GULP1: variants seen among roughly 807,000 people sequenced by gnomAD.
The protein encoded by GULP1 is PTB domain-containing engulfment adapter protein 1.
A neutral mutation model predicts 40.9 loss-of-function variants in GULP1; 19 were observed. The observed-to-expected ratio is 0.46, with a 90% CI of 0.32 to 0.68. The LOEUF is 0.68. Among genes scored for constraint, GULP1 ranks in the 30% least tolerant of loss-of-function variants. The pLI is 0.03. For synonymous variants in GULP1, 119 were observed against 117.6 expected (o/e 1.01, Z -0.08); for missense variants, 312 against 362.2 (o/e 0.86, Z 1.12).
In GULP1 at chr2:188,589,791, A is replaced by C. The variant is rs561584263; in HGVS notation, c.843+1842A>C. 16 of 1,145,806 alleles carry C rather than the reference A, an allele frequency of 1.4e-5. 1 individual carries two copies. The African/African-American group carries it at 2.1e-4, about 15-fold the overall frequency. 71.0% of individuals were successfully genotyped at this position (1,145,806 alleles called of 1,614,324 possible). The stretch of plus-strand genomic sequence containing the variant: ...TTATAATAATTTTAAACAACTTACA[A>C]ATTTTTAAAGCTGAAACCTTAAAAT... On this transcript the variant is annotated intron_variant, in intron 11 of 11. Coordinates refer to ENST00000409830, the MANE Select transcript of GULP1 (RefSeq NM_016315.4).
chr2:188,387,018 C>G (rs1434437294), intron 2 of GULP1, among the ~76,000 whole-genome samples: 1 of 151,934 alleles, frequency 6.6e-6, no homozygotes, highest in African/African-American at 2.4e-5. Flanking sequence ...GGTGGATTAA[C>G]TGAGGTCAGG....
chr2:188,402,198 G>T (rs542989138), intron 2 of GULP1, among the ~76,000 whole-genome samples: 4 of 152,238 alleles, frequency 2.6e-5, no homozygotes, highest in African/African-American at 7.2e-5. Context: ...TTTAATAAAA[G>T]GCTGAAAGCC....
intron 2 of GULP1, among the ~76,000 whole-genome samples, chr2:188,427,141 G>A (rs575063496): frequency 6.6e-6 from 1 of 152,300 alleles, no homozygotes; most frequent in South Asian, 2.1e-4. Flanking sequence ...TGTTCAAAAT[G>A]TAACCTGGCT....
chr2:188,476,803 G>T (rs1187213812), intron 2 of GULP1, among the ~76,000 whole-genome samples: 1 of 152,044 alleles, frequency 6.6e-6, no homozygotes, highest in East Asian at 1.9e-4. Context: ...TTACAATGCA[G>T]TACCAATAAA....
chr2:188,470,418 C>A (rs531202354), intron 2 of GULP1, among the ~76,000 whole-genome samples: 1 of 151,860 alleles, frequency 6.6e-6, no homozygotes, highest in Non-Finnish European at 1.5e-5. Context: ...TTTATGTGTC[C>A]GATTTGATTT....
In GULP1 at chr2:188,311,886, T is replaced by G. The variant is rs2038200878; in HGVS notation, c.-172+19720T>G. Among the ~76,000 whole-genome samples, 4 of 148,468 alleles carry G rather than the reference T, an allele frequency of 2.7e-5. No individual in the cohort carries two copies. In the South Asian group the frequency reaches 8.4e-4, roughly 31 times the overall value. Reference sequence around the variant, plus strand: ...ATTATAAATATATACACATTACATATTTATTATATATTATATTAATACACA... The same window carrying G: ...ATTATAAATATATACACATTACATAGTTATTATATATTATATTAATACACA... On this transcript the variant is annotated intron_variant, in intron 1 of 11. Transcript: ENST00000409830.
intron 2 of GULP1, among the ~76,000 whole-genome samples, chr2:188,424,284 T>A (rs983910408): frequency 1.6e-4 from 25 of 151,908 alleles, no homozygotes; most frequent in Non-Finnish European, 4.4e-5. Flanking sequence ...TAATATGAAT[T>A]GAATGGAGTT....
intron 5 of GULP1, among the ~76,000 whole-genome samples, chr2:188,526,505 T>C (rs1188465179): frequency 6.6e-6 from 1 of 152,126 alleles, no homozygotes; most frequent in African/African-American, 2.4e-5. Flanking sequence ...TAAGATTAAT[T>C]AGAAATATTA....
At chr2:188,435,203 T>C (rs2057295320) in intron 2 of GULP1, among the ~76,000 whole-genome samples, 1 of 152,050 alleles carries the variant, frequency 6.6e-6, no homozygotes, top group Admixed American at 6.6e-5. Flanking sequence ...ATATAAGACT[T>C]AGTCCTGAAA....
intron 1 of GULP1, among the ~76,000 whole-genome samples, chr2:188,352,614 T>TCACACACACA (rs1326667036): frequency 5.0e-4 from 30 of 60,396 alleles, no homozygotes; most frequent in African/African-American, 2.2e-3. Context: ...TCTCTCTCTC[T>TCACACACACA]CTCTCACACA....
At chr2:188,586,238 G>C (rs572171289) in intron 10 of GULP1, among the ~76,000 whole-genome samples, 2 of 152,142 alleles carry the variant, frequency 1.3e-5, no homozygotes, top group Admixed American at 6.5e-5. Context: ...CAGAGAAATA[G>C]AGATTATATA....
intron 1 of GULP1, among the ~76,000 whole-genome samples, chr2:188,317,341 T>G (rs984816111): frequency 6.6e-6 from 1 of 152,126 alleles, no homozygotes; most frequent in Non-Finnish European, 1.5e-5. Flanking sequence ...AAACATATTT[T>G]TACAAGATAT....
chr2:188,424,279 T>C (rs2152783737), intron 2 of GULP1, among the ~76,000 whole-genome samples: 1 of 152,050 alleles, frequency 6.6e-6, no homozygotes, highest in East Asian at 1.9e-4. Context: ...ATTACTAATA[T>C]GAATTGAATG....
intron 2 of GULP1, among the ~76,000 whole-genome samples, chr2:188,435,373 C>T (rs190411484): frequency 1.2e-4 from 19 of 152,080 alleles, no homozygotes; most frequent in Admixed American, 2.6e-4. Context: ...GTATGTTAAA[C>T]GGGCTTTTGG....
At chr2:188,591,762 A>C (rs1703600431) in intron 11 of GULP1, 1 of 151,768 alleles carries the variant, frequency 6.6e-6, no homozygotes, top group African/African-American at 2.4e-5. Flanking sequence ...AGATAGAAAA[A>C]AAGACATACC....
rs1559389481 is a variant in GULP1 at position 188,569,316 on chromosome 2, TG to T, written c.478del (p.Val160LeufsTer17). On this transcript the variant is annotated frameshift_variant, in exon 8 of 12. Transcript: ENST00000409830. LOFTEE classifies it high-confidence loss of function. Reference sequence around the variant, plus strand: ...AATTTCTAGAATCAGGAGGAAAAGATGTTGAAACAAGAAAACAGATCGCAGG... The same window carrying T: ...AATTTCTAGAATCAGGAGGAAAAGATTTGAAACAAGAAAACAGATCGCAGG... ...RKFLESGGKD[V>X]ETRKQIAGLQ... 6.3e-7 allele frequency: 1 copy of T among 1,598,284 alleles called. No homozygotes were observed. The highest frequency in any genetic ancestry group is 8.6e-7 in the Non-Finnish European group (1 of 1,165,888).
At position 188,318,355 on chromosome 2, in the gene GULP1, G is replaced by T. The variant is rs1413957645; in HGVS notation, c.-172+26189G>T. ...CTAAGTCCTTTTAACATGCCCAAAT[G>T]TGCTGTTGTTATCAGTTGTTTTATT... On this transcript the variant is annotated intron_variant, in intron 1 of 11. Coordinates refer to ENST00000409830, the MANE Select transcript of GULP1 (RefSeq NM_016315.4). Among the ~76,000 whole-genome samples, 3 of 152,234 alleles carry T rather than the reference G, an allele frequency of 2.0e-5. No individual in the cohort carries two copies. The South Asian group carries it at 6.2e-4, about 32-fold the overall frequency.
intron 7 of GULP1, among the ~76,000 whole-genome samples, chr2:188,542,644 C>G (rs1690840121): frequency 6.6e-6 from 1 of 151,662 alleles, no homozygotes; most frequent in South Asian, 2.1e-4. Flanking sequence ...AGATGCTTAG[C>G]AATATAAGAC....
chr2:188,447,834 TACTC>T (rs1373453244), intron 2 of GULP1, among the ~76,000 whole-genome samples: 4 of 152,190 alleles, frequency 2.6e-5, no homozygotes, highest in African/African-American at 9.6e-5. Flanking sequence ...TTTTATTCCA[TACTC>T]ACAACCTGCA....
Sources: allele counts gnomAD v4.1 joint callset (sites outside exome capture counted in the v4.1 genomes callset), GRCh38; gene constraint gnomAD v4.1.1; transcripts MANE v1.5; gene names NCBI Gene and HGNC (gene_info 2026-07-23, HGNC 2026-07-21).